The following PDE4D variants were observed in gnomAD, a reference collection of about 807,000 sequenced individuals.
PDE4D encodes the protein 3',5'-cyclic-AMP phosphodiesterase 4D.
A neutral mutation model predicts 87.4 loss-of-function variants in PDE4D; 24 were observed. That is an observed-to-expected ratio of 0.27 (90% CI 0.20 to 0.39). The LOEUF is 0.39. Ranked by LOEUF, PDE4D falls within the 10% of genes least tolerant of loss-of-function variation. The probability of loss-of-function intolerance (pLI) is 1.00; values close to 1 mark genes in which losing one functional copy is unlikely to be tolerated. For synonymous variants in PDE4D, 384 were observed against 383.2 expected (o/e 1.00, Z -0.02); for missense variants, 714 against 1,041.0 (o/e 0.69, Z 4.32).
chr5:60,260,797 C>T lies in PDE4D; in HGVS notation c.-89-75110G>A, dbSNP rs116743935. On this transcript the variant is annotated intron_variant, in intron 1 of 16. Transcript: ENST00000502484. The stretch of plus-strand genomic sequence containing the variant: ...AATTTCACAATGAGTTCCTAAGGGA[C>T]CATGTGTCTTCTGTACTAGAAGTTT... 7.2e-3 allele frequency among the ~76,000 whole-genome samples: 1,095 copies of T among 152,190 alleles called. 17 individuals carry two copies. The highest frequency in any genetic ancestry group is 0.025 in the African/African-American group (1,029 of 41,544).
chr5:60,474,105 C>CATATATATATATGTGTGT (rs1491252291), intron 1 of PDE4D, among the ~76,000 whole-genome samples: 15 of 31,002 alleles, frequency 4.8e-4, no homozygotes, highest in South Asian at 4.6e-3. Flanking sequence ...TTTGAGCTGC[C>CATATATATATATGTGTGT]ATATATATAT....
intron 5 of PDE4D, among the ~76,000 whole-genome samples, chr5:59,079,464 C>G: frequency 6.6e-6 from 1 of 152,050 alleles, no homozygotes; most frequent in East Asian, 1.9e-4. Flanking sequence ...ATAACTGAGT[C>G]TTTTCTAATT....
chr5:60,392,054 A>G (rs1029652907), intron 1 of PDE4D, among the ~76,000 whole-genome samples: 1 of 152,226 alleles, frequency 6.6e-6, no homozygotes, highest in Non-Finnish European at 1.5e-5. Flanking sequence ...ACAGAAAAGT[A>G]GAGTTAATAA....
intron 11 of PDE4D, among the ~76,000 whole-genome samples, chr5:58,978,048 T>C (rs1382908387): frequency 6.6e-6 from 1 of 152,188 alleles, no homozygotes; most frequent in Non-Finnish European, 1.5e-5. Context: ...CTGTGAATTT[T>C]AGGCAGGGAG....
At chr5:59,057,900 G>A (rs916697038) in intron 5 of PDE4D, among the ~76,000 whole-genome samples, 3 of 152,120 alleles carry the variant, frequency 2.0e-5, no homozygotes, top group Non-Finnish European at 4.4e-5. Context: ...GTAGGGGACT[G>A]GGAAAAATCC....
At chr5:59,285,702 G>C (rs1277039613) in intron 1 of PDE4D, among the ~76,000 whole-genome samples, 1 of 152,136 alleles carries the variant, frequency 6.6e-6, no homozygotes, top group Non-Finnish European at 1.5e-5. Context: ...ATTCAACCCA[G>C]ACAGAGTATT....
intron 1 of PDE4D, among the ~76,000 whole-genome samples, chr5:59,236,516 G>A (rs1756459321): frequency 1.3e-5 from 2 of 152,194 alleles, no homozygotes; most frequent in Non-Finnish European, 2.9e-5. Flanking sequence ...GCTATTTGAT[G>A]TGTTGTCAGG....
intron 5 of PDE4D, among the ~76,000 whole-genome samples, chr5:59,123,843 G>A (rs1010037777): frequency 6.6e-6 from 1 of 152,162 alleles, no homozygotes; most frequent in Non-Finnish European, 1.5e-5. Context: ...AGAAAGACTG[G>A]GGTCCAAATC....
chr5:60,421,535 T>C (rs1743098309), intron 1 of PDE4D, among the ~76,000 whole-genome samples: 1 of 152,192 alleles, frequency 6.6e-6, no homozygotes, highest in Admixed American at 6.5e-5. Context: ...ACCCCATCTG[T>C]AGGTCACCAA....
chr5:60,101,921 G>A (rs375039360), intron 2 of PDE4D, among the ~76,000 whole-genome samples: 7 of 152,028 alleles, frequency 4.6e-5, no homozygotes, highest in East Asian at 3.9e-4. Flanking sequence ...CTGCTGCCAC[G>A]AACACTGAAA....
At chr5:59,286,233 T>G (rs563228210) in intron 1 of PDE4D, among the ~76,000 whole-genome samples, 2 of 152,194 alleles carry the variant, frequency 1.3e-5, no homozygotes, top group Non-Finnish European at 2.9e-5. Flanking sequence ...TTGCTCACCA[T>G]GTGCCAGGCA....
intron 1 of PDE4D, among the ~76,000 whole-genome samples, chr5:59,496,905 A>G (rs1807320489): frequency 6.6e-6 from 1 of 152,154 alleles, no homozygotes; most frequent in South Asian, 2.1e-4. Flanking sequence ...GAAGGAGGGC[A>G]CTTTGCAGAC....
intron 6 of PDE4D, chr5:58,999,965 C>A: frequency 1.0e-6 from 1 of 959,270 alleles, no homozygotes; most frequent in Non-Finnish European, 1.2e-6. Context: ...CAAGAAGCCC[C>A]TCCCATAAAA....
chr5:59,769,064 G>GT (rs557591746), intron 1 of PDE4D, among the ~76,000 whole-genome samples: 18 of 146,750 alleles, frequency 1.2e-4, no homozygotes, highest in African/African-American at 3.7e-4. Context: ...CCAATCCTTT[G>GT]TTTTTTTCTC....
At chr5:59,977,947 T>C (rs996344660) in intron 3 of PDE4D, among the ~76,000 whole-genome samples, 1 of 152,172 alleles carries the variant, frequency 6.6e-6, no homozygotes, top group Admixed American at 6.5e-5. Context: ...TGGATGACAG[T>C]GTATCTGTTT....
intron 6 of PDE4D, among the ~76,000 whole-genome samples, chr5:59,025,068 A>G (rs1755953261): frequency 6.6e-6 from 1 of 152,132 alleles, no homozygotes; most frequent in Admixed American, 6.5e-5. Context: ...ACCTATCTTA[A>G]TTTTTAACAG....
chr5:60,233,710 A>ACAT (rs1746086022), intron 1 of PDE4D, among the ~76,000 whole-genome samples: 3 of 151,816 alleles, frequency 2.0e-5, no homozygotes, highest in Admixed American at 2.0e-4. Context: ...ATGTTGTGCC[A>ACAT]CATACTGTTT....
At chr5:59,888,975 C>T (rs1750553591) in intron 1 of PDE4D, among the ~76,000 whole-genome samples, 1 of 151,758 alleles carries the variant, frequency 6.6e-6, no homozygotes, top group South Asian at 2.1e-4. Context: ...CGTCTGTATC[C>T]CAGCACTTTG....
At chr5:60,282,137 T>C (rs948020657) in intron 1 of PDE4D, among the ~76,000 whole-genome samples, 8 of 150,764 alleles carry the variant, frequency 5.3e-5, no homozygotes, top group Non-Finnish European at 4.4e-5. Context: ...GTACAGAATC[T>C]AAAAGGATTC....
Sources: allele counts gnomAD v4.1 joint callset (sites outside exome capture counted in the v4.1 genomes callset), GRCh38; gene constraint gnomAD v4.1.1; transcripts MANE v1.5; gene names NCBI Gene and HGNC (gene_info 2026-07-23, HGNC 2026-07-21).